ARMC2: variants seen among roughly 807,000 people sequenced by gnomAD.
ARMC2 encodes the protein armadillo repeat-containing protein 2.
Under a neutral mutation model 90.3 loss-of-function variants are expected in ARMC2, and 67 were observed. The ratio of observed to expected loss-of-function variants is 0.74; its 90% CI spans 0.61 to 0.91. ARMC2 has a LOEUF of 0.91. ARMC2 is among the 40% of genes least tolerant of loss of function. ARMC2 has a pLI of 0.00. For missense variants in ARMC2, 920 were observed against 1,030.9 expected, an observed-to-expected ratio of 0.89 and a Z score of 1.47; for synonymous variants, 393 against 393.0, an observed-to-expected ratio of 1.00 and a Z score of 0.00.
downstream of ARMC2, among the ~76,000 whole-genome samples, chr6:108,977,259 A>G (rs1179337188): frequency 6.6e-6 from 1 of 152,146 alleles, no homozygotes; most frequent in East Asian, 1.9e-4. Context: ...TGAGATAATC[A>G]TGTGTTTTTT....
In ARMC2 at chr6:108,857,047, T is replaced by C. The variant is rs74709127; in HGVS notation, c.219-1152T>C. 4.3e-4 allele frequency among the ~76,000 whole-genome samples: 66 copies of C among 152,352 alleles called. No individual in the cohort carries two copies. In the East Asian group the frequency reaches 0.01, roughly 24 times the overall value. On this transcript the variant is annotated intron_variant, in intron 2 of 17. Coordinates refer to ENST00000392644, the MANE Select transcript of ARMC2 (RefSeq NM_032131.6). ...TCTTGTTCAACATTGTGTTGGCTAG[T>C]CTGGGTCTTTTGTCTCTCCATAGAA... is the stretch of plus-strand genomic sequence containing the variant.
intron 17 of ARMC2, among the ~76,000 whole-genome samples, chr6:108,968,352 G>A (rs1000081975): frequency 6.6e-6 from 1 of 152,144 alleles, no homozygotes; most frequent in Non-Finnish European, 1.5e-5. Context: ...TTTTCCAGCC[G>A]CTCCGTTACC....
downstream of ARMC2, among the ~76,000 whole-genome samples, chr6:108,975,972 GTTTC>G (rs1778976570): frequency 6.6e-6 from 1 of 152,176 alleles, no homozygotes; most frequent in South Asian, 2.1e-4. Flanking sequence ...TCTGATGATA[GTTTC>G]TTTTGCTGTG....
At position 108,876,355 on chromosome 6, in the gene ARMC2, G is replaced by A. The variant is rs778211136; in HGVS notation, c.671+5G>A. 25 of 1,605,314 alleles carry A rather than the reference G, an allele frequency of 1.6e-5. No individual in the cohort carries two copies. Among genetic ancestry groups the A allele is most frequent in the Admixed American group, 6.8e-5 (4 of 58,712 alleles). Reference sequence around the variant, plus strand: ...ATCTCATCTCAAGAATGGAGGGTCAGTATTCTTTTTATTTAATTTTCTGGT... The same window carrying A: ...ATCTCATCTCAAGAATGGAGGGTCAATATTCTTTTTATTTAATTTTCTGGT... On this transcript the variant is annotated splice_donor_5th_base_variant and intron_variant, in intron 5 of 17. Coordinates refer to ENST00000392644, the MANE Select transcript of ARMC2 (RefSeq NM_032131.6).
chr6:109,044,201 G>A, the ARMC2 span, among the ~76,000 whole-genome samples: 23 of 151,174 alleles, frequency 1.5e-4, no homozygotes, highest in Middle Eastern at 3.4e-3. Flanking sequence ...GGTGATCCCA[G>A]CTACTTGGGA....
intron 4 of ARMC2, among the ~76,000 whole-genome samples, chr6:108,873,350 G>A (rs973795819): frequency 3.9e-5 from 6 of 152,100 alleles, no homozygotes; most frequent in African/African-American, 1.4e-4. Flanking sequence ...GGTGGGGGTG[G>A]CGGGGGATGA....
chr6:108,936,310 G>T (rs1562406748), intron 11 of ARMC2, among the ~76,000 whole-genome samples: 1 of 152,182 alleles, frequency 6.6e-6, no homozygotes, highest in African/African-American at 2.4e-5. Context: ...AGTCTGGAGT[G>T]CAGTGGTTCA....
chr6:108,900,054 A>G (rs1431157879), intron 7 of ARMC2, among the ~76,000 whole-genome samples: 2 of 152,206 alleles, frequency 1.3e-5, no homozygotes, highest in East Asian at 3.9e-4. Flanking sequence ...TGTAATATAA[A>G]TTAATTAGCA....
At position 108,887,207 on chromosome 6, in the gene ARMC2, T is replaced by A. The variant is rs559146942; in HGVS notation, c.672-7260T>A. Among the ~76,000 whole-genome samples the A allele has an allele frequency of 2.0e-5, 3 of 152,260 alleles. No individual in the cohort carries two copies. The South Asian group carries it at 6.2e-4, about 32-fold the overall frequency. The stretch of plus-strand genomic sequence containing the variant: ...GGTTACAGATGTGAGCCACCATGCC[T>A]GGCTAATTTTATAGTATTTTTAAAG... On this transcript the variant is annotated intron_variant, in intron 5 of 17. Transcript: ENST00000392644.
intron 8 of ARMC2, among the ~76,000 whole-genome samples, chr6:108,910,563 A>C (rs76285594): frequency 1.3e-5 from 2 of 152,260 alleles, no homozygotes; most frequent in African/African-American, 4.8e-5. Flanking sequence ...ATGATCTGGC[A>C]ACCCCACTGC....
At chr6:109,043,747 T>C in the ARMC2 span, among the ~76,000 whole-genome samples, 1 of 152,182 alleles carries the variant, frequency 6.6e-6, no homozygotes, top group Non-Finnish European at 1.5e-5. Flanking sequence ...ATTGGAAGAC[T>C]CAATACTAGT....
At chr6:108,951,684 T>C (rs1777188015) in intron 12 of ARMC2, among the ~76,000 whole-genome samples, 1 of 152,210 alleles carries the variant, frequency 6.6e-6, no homozygotes, top group African/African-American at 2.4e-5. Flanking sequence ...TCCTCCCCAG[T>C]TTCCTGGCCA....
chr6:108,876,674 T>C (rs1776971145), intron 5 of ARMC2, among the ~76,000 whole-genome samples: 1 of 152,238 alleles, frequency 6.6e-6, no homozygotes, highest in South Asian at 2.1e-4. Context: ...TTATTTGGGA[T>C]TCTTGCATGG....
At chr6:108,889,901 G>T (rs1301308981) in intron 5 of ARMC2, among the ~76,000 whole-genome samples, 1 of 150,946 alleles carries the variant, frequency 6.6e-6, no homozygotes, top group Non-Finnish European at 1.5e-5. Flanking sequence ...AAAAACAGTG[G>T]TTCCGGGCCG....
intron 10 of ARMC2, among the ~76,000 whole-genome samples, chr6:108,915,891 T>G (rs1252982496): frequency 6.6e-6 from 1 of 151,950 alleles, no homozygotes; most frequent in Non-Finnish European, 1.5e-5. Flanking sequence ...AAAGACCAAA[T>G]AGCTGAAAAG....
intron 15 of ARMC2, among the ~76,000 whole-genome samples, chr6:108,963,215 A>G (rs984716772): frequency 6.6e-6 from 1 of 152,196 alleles, no homozygotes; most frequent in Admixed American, 6.5e-5. Context: ...TATGTCTCAA[A>G]TATTTTTGTA....
At chr6:108,858,926 T>C (rs188866901) in intron 3 of ARMC2, among the ~76,000 whole-genome samples, 9 of 152,314 alleles carry the variant, frequency 5.9e-5, no homozygotes, top group African/African-American at 2.2e-4. Flanking sequence ...TTAGTTTCTG[T>C]CTGTCTTTTT....
chr6:109,028,026 A>C, the ARMC2 span, among the ~76,000 whole-genome samples: 2 of 151,910 alleles, frequency 1.3e-5, no homozygotes, highest in African/African-American at 4.8e-5. Flanking sequence ...TCATTTTCCT[A>C]ATGATGTCTT....
intron 12 of ARMC2, among the ~76,000 whole-genome samples, chr6:108,946,327 G>A (rs943515358): frequency 2.0e-5 from 3 of 152,194 alleles, no homozygotes; most frequent in South Asian, 2.1e-4. Context: ...GGAATCAAGC[G>A]TAATCTCTTC....
Sources: gnomAD v4.1 joint callset for allele counts (sites outside exome capture counted in the v4.1 genomes callset) on GRCh38, gnomAD v4.1.1 for gene constraint, MANE v1.5 for transcripts, NCBI Gene and HGNC (gene_info 2026-07-23, HGNC 2026-07-21) for gene names.